Variants in HCN1 observed in about 807,000 individuals in gnomAD.
HCN1 encodes hyperpolarization activated cyclic nucleotide gated potassium channel 1, also known as potassium/sodium hyperpolarization-activated cyclic nucleotide-gated channel 1.
In HCN1, 13 loss-of-function variants were observed where a neutral mutation model predicts 78.9. That is an observed-to-expected ratio of 0.16 (90% CI 0.11 to 0.26). HCN1 has a LOEUF of 0.26. Among genes scored for constraint, HCN1 ranks in the 10% least tolerant of loss-of-function variants. The pLI, the probability that HCN1 is intolerant of heterozygous loss-of-function variation, is 1.00. For synonymous variants in HCN1, 552 were observed against 455.5 expected, an observed-to-expected ratio of 1.21 and a Z score of -2.70; for missense variants, 810 against 1,154.3, an observed-to-expected ratio of 0.70 and a Z score of 4.32.
At chr5:45,415,757 G>C (rs920206961) in intron 3 of HCN1, among the ~76,000 whole-genome samples, 1 of 151,942 alleles carries the variant, frequency 6.6e-6, no homozygotes, top group African/African-American at 2.4e-5. Context: ...TTGCTGTACC[G>C]TCTGTTTATT....
chr5:45,683,787 C>T (rs1739751328), intron 1 of HCN1, among the ~76,000 whole-genome samples: 1 of 151,770 alleles, frequency 6.6e-6, no homozygotes. Flanking sequence ...CTTCCCACCC[C>T]AGCCTCCCAA....
At chr5:45,471,305 T>A (rs936019669) in intron 2 of HCN1, among the ~76,000 whole-genome samples, 1 of 151,900 alleles carries the variant, frequency 6.6e-6, no homozygotes, top group Admixed American at 6.6e-5. Context: ...TTCCTTCCAA[T>A]ATCCTGACCT....
intron 3 of HCN1, among the ~76,000 whole-genome samples, chr5:45,456,701 C>A (rs1295559192): frequency 2.6e-5 from 4 of 151,740 alleles, no homozygotes; most frequent in Non-Finnish European, 5.9e-5. Flanking sequence ...TTGCTAAAAC[C>A]AAGTAGGTGC....
chr5:45,519,340 G>A (rs1026858931), intron 2 of HCN1, among the ~76,000 whole-genome samples: 10 of 151,964 alleles, frequency 6.6e-5, no homozygotes, highest in African/African-American at 2.4e-4. Context: ...TGTTTACATT[G>A]ATAAGTATAG....
chr5:45,346,820 C>G (rs1184240752), intron 5 of HCN1, among the ~76,000 whole-genome samples: 1 of 152,206 alleles, frequency 6.6e-6, no homozygotes, highest in Admixed American at 6.5e-5. Context: ...GGAGGGGCAC[C>G]CTCCATGGCC....
intron 2 of HCN1, among the ~76,000 whole-genome samples, chr5:45,501,418 A>G (rs1742182184): frequency 6.6e-6 from 1 of 152,100 alleles, no homozygotes; most frequent in Non-Finnish European, 1.5e-5. Flanking sequence ...CTTCTGAAAC[A>G]AATTTCACTT....
intron 5 of HCN1, among the ~76,000 whole-genome samples, chr5:45,317,414 T>TC (rs1268693697): frequency 1.3e-5 from 2 of 148,842 alleles, no homozygotes; most frequent in Admixed American, 6.7e-5. Flanking sequence ...ACAAAAATTA[T>TC]AAGATAGACT....
intron 1 of HCN1, among the ~76,000 whole-genome samples, chr5:45,649,644 G>T (rs966831093): frequency 6.6e-6 from 1 of 150,952 alleles, no homozygotes; most frequent in Non-Finnish European, 1.5e-5. Flanking sequence ...TTTTGATTCT[G>T]TTACTATTTG....
At chr5:45,533,340 C>G (rs1279640720) in intron 2 of HCN1, among the ~76,000 whole-genome samples, 1 of 152,098 alleles carries the variant, frequency 6.6e-6, no homozygotes, top group Admixed American at 6.5e-5. Context: ...TCTTAGACTC[C>G]AAGTCAGTTC....
chr5:45,633,879 C>G (rs1745312985), intron 2 of HCN1, among the ~76,000 whole-genome samples: 1 of 151,914 alleles, frequency 6.6e-6, no homozygotes, highest in East Asian at 1.9e-4. Context: ...CATGTGCTCA[C>G]TAAAAATTTT....
intron 2 of HCN1, among the ~76,000 whole-genome samples, chr5:45,630,939 T>TA (rs550796355): frequency 4.6e-5 from 7 of 152,168 alleles, no homozygotes; most frequent in African/African-American, 1.2e-4. Flanking sequence ...ATATATTTAT[T>TA]AAAAAAATGA....
chr5:45,686,066 A>G (rs1039621280), intron 1 of HCN1, among the ~76,000 whole-genome samples: 1 of 152,018 alleles, frequency 6.6e-6, no homozygotes, highest in African/African-American at 2.4e-5. Flanking sequence ...TATAGCATAT[A>G]CAGTATATAT....
chr5:45,626,592 T>A (rs1300737292), intron 2 of HCN1, among the ~76,000 whole-genome samples: 1 of 152,116 alleles, frequency 6.6e-6, no homozygotes, highest in Non-Finnish European at 1.5e-5. Context: ...AAATATCTAT[T>A]TGTGAAGGTT....
intron 2 of HCN1, among the ~76,000 whole-genome samples, chr5:45,497,838 C>T (rs2111721978): frequency 6.6e-6 from 1 of 152,296 alleles, no homozygotes; most frequent in Non-Finnish European, 1.5e-5. Flanking sequence ...TTCTCCTTCA[C>T]TTATGAAGCT....
chr5:45,420,787 A>C (rs1043483822), intron 3 of HCN1, among the ~76,000 whole-genome samples: 4 of 152,126 alleles, frequency 2.6e-5, no homozygotes, highest in African/African-American at 9.7e-5. Flanking sequence ...TGTCACAATA[A>C]AGTCTACTTC....
At chr5:45,498,656 G>A (rs185689754) in intron 2 of HCN1, among the ~76,000 whole-genome samples, 1 of 152,134 alleles carries the variant, frequency 6.6e-6, no homozygotes, top group Non-Finnish European at 1.5e-5. Context: ...AGGAGGAGAG[G>A]TGCTCTGCTT....
intron 5 of HCN1, among the ~76,000 whole-genome samples, chr5:45,311,057 A>G (rs1283619907): frequency 6.6e-6 from 1 of 152,148 alleles, no homozygotes; most frequent in Non-Finnish European, 1.5e-5. Flanking sequence ...GCTAATGGAT[A>G]CTAGGTTTAA....
chr5:45,570,965 T>A (rs1743814905), intron 2 of HCN1, among the ~76,000 whole-genome samples: 1 of 152,180 alleles, frequency 6.6e-6, no homozygotes, highest in South Asian at 2.1e-4. Flanking sequence ...TTATGAGGAT[T>A]ATGGACAATA....
chr5:45,273,890 G>A (rs942311795), intron 6 of HCN1, among the ~76,000 whole-genome samples: 2 of 152,050 alleles, frequency 1.3e-5, no homozygotes, highest in Non-Finnish European at 2.9e-5. Context: ...ATAACATCTG[G>A]CTTAAATCAT....
Sources: allele counts gnomAD v4.1 joint callset (sites outside exome capture counted in the v4.1 genomes callset), GRCh38; gene constraint gnomAD v4.1.1; transcripts MANE v1.5; gene names NCBI Gene and HGNC (gene_info 2026-07-23, HGNC 2026-07-21).